The following CCR7 variants were observed in gnomAD, a reference collection of about 807,000 sequenced individuals.
CCR7 encodes C-C chemokine receptor type 7.
In CCR7, 11 loss-of-function variants were observed where a neutral mutation model predicts 26.0. The observed-to-expected ratio is 0.42, with a 90% CI of 0.27 to 0.70. The LOEUF (loss-of-function observed/expected upper bound fraction) is 0.70. Among genes scored for constraint, CCR7 ranks in the 30% least tolerant of loss-of-function variants. The probability of loss-of-function intolerance (pLI) is 0.23; values close to 1 mark genes in which losing one functional copy is unlikely to be tolerated. For synonymous variants in CCR7, 189 were observed against 202.1 expected (o/e 0.94, Z 0.55); for missense variants, 360 against 504.0 (o/e 0.71, Z 2.74).
intron 2 of CCR7, among the ~76,000 whole-genome samples, chr17:40,556,248 T>G (rs1016823632): frequency 6.6e-6 from 1 of 152,228 alleles, no homozygotes; most frequent in South Asian, 2.1e-4. Context: ...GTGATGGGTC[T>G]AGGAATCTGT....
At chr17:40,562,061 A>G (rs1488569552) in intron 1 of CCR7, among the ~76,000 whole-genome samples, 2 of 152,168 alleles carry the variant, frequency 1.3e-5, no homozygotes, top group Non-Finnish European at 2.9e-5. Flanking sequence ...CCCATTTACC[A>G]ATGAGAAACT....
chr17:40,556,117 G>A (rs1254567339), intron 2 of CCR7, among the ~76,000 whole-genome samples: 1 of 152,002 alleles, frequency 6.6e-6, no homozygotes, highest in African/African-American at 2.4e-5. Context: ...ATGTTGCCCA[G>A]GCGGGAGGAA....
chr17:40,558,912 G>A lies in CCR7; in HGVS notation c.41C>T (p.Ala14Val). Residue 14 changes from alanine to valine, a missense_variant, in exon 2 of 3, where the codon GCT (alanine) becomes GTT (valine). Physicochemically the swap from Ala to Val is moderately conservative, Grantham distance 64. Transcript: ENST00000246657. ...GKPMKSVLVV[A>V]LLVIFQVCLC... ...CCTCACCTGGAAAATGACAAGGAGAGCCACCACCAGCACGCTTTTCATTGG... is the reference window on the plus strand; with the variant it reads ...CCTCACCTGGAAAATGACAAGGAGAACCACCACCAGCACGCTTTTCATTGG... 6.2e-7 allele frequency: 1 copy of A among 1,613,620 alleles called. No homozygotes were observed. Among genetic ancestry groups the A allele is most frequent in the Non-Finnish European group, 8.5e-7 (1 of 1,179,756 alleles).
intron 1 of CCR7, among the ~76,000 whole-genome samples, chr17:40,561,785 TTC>T (rs1053173196): frequency 2.0e-5 from 3 of 152,106 alleles, no homozygotes; most frequent in African/African-American, 4.8e-5. Flanking sequence ...AACACAACTT[TTC>T]TCTCTCTCTC....
chr17:40,560,933 C>T (rs1451316283), intron 1 of CCR7: 1 of 152,364 alleles, frequency 6.6e-6, no homozygotes, highest in Non-Finnish European at 1.5e-5. Flanking sequence ...CCCTTAGCTC[C>T]TGAGTTTAAG....
At chr17:40,561,054 C>T (rs1354599077) in intron 1 of CCR7, 1 of 152,184 alleles carries the variant, frequency 6.6e-6, no homozygotes, top group Non-Finnish European at 1.5e-5. Context: ...AAGTGTCTTT[C>T]GGTTACTCTA....
At position 40,554,580 on chromosome 17, in the gene CCR7, G is replaced by A; in HGVS notation, c.*162C>T. ...GCATTGGTTGAGGTAGCTGGGATTG[G>A]GGTGAAGCTATCTTCTGGAGCAGGG... On this transcript the variant is annotated 3_prime_UTR_variant, in exon 3 of 3. Transcript: ENST00000246657. The A allele has an allele frequency of 3.0e-6, 2 of 666,064 alleles. No individual in the cohort carries two copies. The highest frequency in any genetic ancestry group is 5.3e-6 in the Non-Finnish European group (2 of 376,280). 41.3% of individuals were successfully genotyped at this position (666,064 alleles called of 1,614,324 possible). A position where few individuals can be genotyped will look rare whatever the true frequency, so the allele number is the denominator to read the frequency against.
At position 40,555,273 on chromosome 17, in the gene CCR7, G is replaced by T. The variant is rs976630110; in HGVS notation, c.606C>A (p.Ser202Arg). 7 of 1,614,064 alleles carry T rather than the reference G, an allele frequency of 4.3e-6. No individual in the cohort carries two copies. The highest frequency in any genetic ancestry group is 5.9e-6 in the Non-Finnish European group (7 of 1,180,038). ...AGCATCGCATCGCTTGCTCACTGCT[G>T]CTCCTCTGGAGGTCACTGTACAGGA... ...PELLYSDLQR[S>R]SSEQAMRCSL... Residue 202 changes from serine (S) to arginine (R), a missense_variant, in exon 3 of 3, where the codon AGC (serine) becomes AGA (arginine). Physicochemically the swap from Ser to Arg is moderately radical, Grantham distance 110. Coordinates refer to ENST00000246657, the MANE Select transcript of CCR7 (RefSeq NM_001838.4). This position sits in a 1 kb window ranked among gnomAD's most constrained non-coding sequence, Gnocchi z 5.6.
chr17:40,559,794 C>T lies in CCR7; in HGVS notation c.11-852G>A, dbSNP rs16965948. 4.9e-3 allele frequency among the ~76,000 whole-genome samples: 751 copies of T among 152,258 alleles called. 6 individuals carry two copies. The highest frequency in any genetic ancestry group is 0.017 in the African/African-American group (715 of 41,540). ...AATAAATACATGAATGACAAGTAAA[C>T]GAATGCCTGTCCTTTTTCCAAGGGA... On this transcript the variant is annotated intron_variant, in intron 1 of 2. Coordinates refer to ENST00000246657, the MANE Select transcript of CCR7 (RefSeq NM_001838.4).
Position 40,555,189 on chromosome 17 carries a change from G to A in CCR7, c.690C>T (p.Ile230=), listed in dbSNP as rs770060413. 1.5e-5 allele frequency: 24 copies of A among 1,613,994 alleles called. No individual in the cohort carries two copies. Among genetic ancestry groups the A allele is most frequent in the East Asian group, 2.2e-5 (1 of 44,890 alleles). The change falls in exon 3 of 3, where the codon ATC becomes ATT. Residue 230 remains isoleucine, a synonymous_variant. Coordinates refer to ENST00000246657, the MANE Select transcript of CCR7 (RefSeq NM_001838.4). The surrounding 1 kb of genome is among the most constrained non-coding windows in gnomAD (Gnocchi z 5.6). ...TGGCCAGCAGGGGGACCAGAAAGCC[G>A]ATCACCATCTGGGCCACCTGGATGG... The part of the protein sequence containing the change: ...FITIQVAQMV[I]GFLVPLLAMS...
intron 2 of CCR7, among the ~76,000 whole-genome samples, chr17:40,557,507 C>G (rs1470015025): frequency 3.3e-5 from 5 of 152,224 alleles, no homozygotes; most frequent in Non-Finnish European, 7.3e-5. Context: ...TTTTCTTTGG[C>G]CATTGCTAGC....
intron 2 of CCR7, among the ~76,000 whole-genome samples, chr17:40,558,352 C>T (rs2036614989): frequency 6.6e-6 from 1 of 152,132 alleles, no homozygotes; most frequent in Non-Finnish European, 1.5e-5. Context: ...GCTCATCCAC[C>T]CCTCTCCCCA....
chr17:40,556,240 G>C (rs1567829341), intron 2 of CCR7, among the ~76,000 whole-genome samples: 1 of 152,176 alleles, frequency 6.6e-6, no homozygotes, highest in Non-Finnish European at 1.5e-5. Flanking sequence ...AATCTCAAGT[G>C]ATGGGTCTAG....
intron 2 of CCR7, among the ~76,000 whole-genome samples, chr17:40,557,754 C>T (rs1198680583): frequency 6.6e-6 from 1 of 152,220 alleles, no homozygotes; most frequent in Non-Finnish European, 1.5e-5. Flanking sequence ...GAACCTTGTT[C>T]CTGTTTTATA....
intron 2 of CCR7, among the ~76,000 whole-genome samples, chr17:40,558,515 A>C (rs928135829): frequency 6.6e-6 from 1 of 152,164 alleles, no homozygotes; most frequent in East Asian, 1.9e-4. Flanking sequence ...AGATCGCCAG[A>C]TCCAGGGTGA....
intron 1 of CCR7, among the ~76,000 whole-genome samples, chr17:40,562,028 A>G (rs1012623413): frequency 1.3e-5 from 2 of 152,312 alleles, no homozygotes; most frequent in East Asian, 1.9e-4. Flanking sequence ...CAAAAGCCCC[A>G]TGAGGTAGGC....
At chr17:40,559,571 G>A (rs894106956) in intron 1 of CCR7, among the ~76,000 whole-genome samples, 4 of 152,174 alleles carry the variant, frequency 2.6e-5, no homozygotes, top group African/African-American at 9.7e-5. Flanking sequence ...GACTGCCTCA[G>A]GGCTCCACCA....
chr17:40,564,799 AC>A (rs1286045088), intron 1 of CCR7, among the ~76,000 whole-genome samples: 3 of 152,196 alleles, frequency 2.0e-5, no homozygotes, highest in Admixed American at 6.5e-5. Flanking sequence ...GCAAGAGGCA[AC>A]AGCAAAGCCA....
At chr17:40,556,465 G>A (rs1316275598) in intron 2 of CCR7, among the ~76,000 whole-genome samples, 4 of 152,186 alleles carry the variant, frequency 2.6e-5, no homozygotes, top group Non-Finnish European at 5.9e-5. Context: ...TGCTGACAGG[G>A]GACTGGAAAT....
Sources: allele counts gnomAD v4.1 joint callset (sites outside exome capture counted in the v4.1 genomes callset), GRCh38; gene constraint gnomAD v4.1.1; non-coding constraint Gnocchi (gnomAD v3.1); transcripts MANE v1.5; gene names NCBI Gene and HGNC (gene_info 2026-07-23, HGNC 2026-07-21).